PCDHGA1: variants seen among roughly 807,000 people sequenced by gnomAD.
PCDHGA1 encodes protocadherin gamma-A1.
PCDHGA1 carries 32 observed loss-of-function variants against 58.0 expected under a neutral mutation model. The ratio of observed to expected loss-of-function variants is 0.55; its 90% CI spans 0.42 to 0.74. PCDHGA1 has a LOEUF of 0.74. Ranked by LOEUF, PCDHGA1 falls within the 30% of genes least tolerant of loss-of-function variation. The pLI is 0.00. For synonymous variants in PCDHGA1, 498 were observed against 501.1 expected, an observed-to-expected ratio of 0.99 and a Z score of 0.08; for missense variants, 1,205 against 1,182.3, an observed-to-expected ratio of 1.02 and a Z score of -0.28.
intron 1 of PCDHGA1, among the ~76,000 whole-genome samples, chr5:141,492,437 C>T (rs182333697): frequency 8.5e-5 from 13 of 152,332 alleles, no homozygotes; most frequent in Admixed American, 8.5e-4. Flanking sequence ...CAGGAGTACT[C>T]GTAGCTGATT....
At position 141,485,069 on chromosome 5, in the gene PCDHGA1, G is replaced by A. The variant is rs1185236732; in HGVS notation, c.2422-9738G>A. 1.1e-6 allele frequency: 1 copy of A among 905,912 alleles called. No homozygotes were observed. Among genetic ancestry groups the A allele is most frequent in the Non-Finnish European group, 1.7e-6 (1 of 577,940 alleles). The allele number at this position is 905,912 out of a possible 1,614,324, so 56.1% of individuals were successfully genotyped here. A position where few individuals can be genotyped will look rare whatever the true frequency, so the allele number is the denominator to read the frequency against. On this transcript the variant is annotated intron_variant, in intron 1 of 3. Coordinates refer to ENST00000517417, the MANE Select transcript of PCDHGA1 (RefSeq NM_018912.3). This position sits in a 1 kb window ranked among gnomAD's most constrained non-coding sequence, Gnocchi z 5.7. ...GCGCCGGCCGAACCGCGCCAGAGCTGGCGCGGGGAAAGGGAGATAGGTGTC... is the reference window on the plus strand; with the variant it reads ...GCGCCGGCCGAACCGCGCCAGAGCTAGCGCGGGGAAAGGGAGATAGGTGTC...
intron 1 of PCDHGA1, among the ~76,000 whole-genome samples, chr5:141,354,186 A>G (rs1759489766): frequency 1.3e-5 from 2 of 152,232 alleles, no homozygotes; most frequent in African/African-American, 4.8e-5. Flanking sequence ...TCTGCACTTT[A>G]TAGTTATTCA....
chr5:141,370,950 C>T (rs78666647), intron 1 of PCDHGA1: 61,748 of 1,613,994 alleles, frequency 0.038, 1,384 homozygotes, highest in Middle Eastern at 0.054. Flanking sequence ...GAAGGAGAAC[C>T]TGGATGGCAG....
intron 3 of PCDHGA1, among the ~76,000 whole-genome samples, 153 bp from the exon 4 acceptor site, chr5:141,510,790 GAAGA>G (rs982513431): frequency 6.6e-5 from 10 of 152,264 alleles, no homozygotes; most frequent in African/African-American, 2.4e-4. Context: ...CAACTCTTGT[GAAGA>G]GAGACTACCT....
chr5:141,361,652 C>T (rs1226356152), intron 1 of PCDHGA1: 16 of 1,613,788 alleles, frequency 9.9e-6, no homozygotes, highest in East Asian at 2.2e-5. Context: ...TCCTACGTGT[C>T]CGTGAGCGCG....
At chr5:141,389,539 AC>A (rs750868475) in intron 1 of PCDHGA1, 1 of 1,613,100 alleles carries the variant, frequency 6.2e-7, no homozygotes, top group African/African-American at 1.3e-5. Context: ...TTAGTGGACG[AC>A]CGCAACGACA....
At chr5:141,437,016 T>G (rs1025489534) in intron 1 of PCDHGA1, among the ~76,000 whole-genome samples, 1 of 152,254 alleles carries the variant, frequency 6.6e-6, no homozygotes, top group Non-Finnish European at 1.5e-5. Flanking sequence ...TTAGATAATT[T>G]CACCAGAAAA....
chr5:141,395,107 A>G (rs2093174446), intron 1 of PCDHGA1: 1 of 1,614,212 alleles, frequency 6.2e-7, no homozygotes, highest in African/African-American at 1.3e-5. Context: ...GACTCGCGGA[A>G]GAGTCACCTG....
At chr5:141,482,675 A>G (rs1258898440) in intron 1 of PCDHGA1, among the ~76,000 whole-genome samples, 1 of 149,114 alleles carries the variant, frequency 6.7e-6, no homozygotes, top group African/African-American at 2.5e-5. Context: ...AAGGTTGAGT[A>G]GTAGCTTGTC....
chr5:141,340,898 G>C (rs146306949), intron 1 of PCDHGA1: 5 of 1,613,702 alleles, frequency 3.1e-6, no homozygotes, highest in South Asian at 1.1e-5. Flanking sequence ...GCAGAGCCTC[G>C]TGGTGGCCAT....
At chr5:141,398,486 A>G (rs892086829) in intron 1 of PCDHGA1, 17 of 1,608,942 alleles carry the variant, frequency 1.1e-5, no homozygotes, top group Non-Finnish European at 1.4e-5. Flanking sequence ...TATCACGTGA[A>G]TGTGGAGATC....
chr5:141,383,093 G>C, intron 1 of PCDHGA1: 1 of 1,613,930 alleles, frequency 6.2e-7, no homozygotes. Context: ...CGCGGAGTCC[G>C]CATCATCTCC....
At chr5:141,433,298 A>G in intron 1 of PCDHGA1, 7 of 1,015,894 alleles carry the variant, frequency 6.9e-6, no homozygotes, top group Non-Finnish European at 1.0e-5. Context: ...GGCTCAAGCA[A>G]TTATCCCACC....
chr5:141,341,598 T>C (rs1757071765), intron 1 of PCDHGA1: 2 of 1,055,482 alleles, frequency 1.9e-6, no homozygotes, highest in East Asian at 5.2e-5. Context: ...CTTTGTGCAA[T>C]GAATGTAAAC....
chr5:141,345,525 G>A, intron 1 of PCDHGA1: 1 of 1,614,116 alleles, frequency 6.2e-7, no homozygotes, highest in Non-Finnish European at 8.5e-7. Flanking sequence ...CACTCTCCAG[G>A]GGGCGCCCCT....
chr5:141,422,355 T>A, intron 1 of PCDHGA1: 1 of 1,557,416 alleles, frequency 6.4e-7, no homozygotes, highest in Non-Finnish European at 8.6e-7. Flanking sequence ...AAGATCAAGA[T>A]TCTGGAGAAA....
chr5:141,398,566 C>T, intron 1 of PCDHGA1: 1 of 1,613,980 alleles, frequency 6.2e-7, no homozygotes, highest in Non-Finnish European at 8.5e-7. Flanking sequence ...TGAGTCTGCA[C>T]AGCCTGGCAC....
At chr5:141,439,412 T>G (rs2098111019) in intron 1 of PCDHGA1, among the ~76,000 whole-genome samples, 1 of 152,194 alleles carries the variant, frequency 6.6e-6, no homozygotes, top group Admixed American at 6.5e-5. Flanking sequence ...CTAACATCAC[T>G]GAGGTTATAA....
intron 1 of PCDHGA1, among the ~76,000 whole-genome samples, chr5:141,387,402 T>C (rs953681527): frequency 6.6e-5 from 10 of 152,186 alleles, no homozygotes; most frequent in African/African-American, 2.4e-4. Context: ...TGTTTGAAGA[T>C]TGGGGAAAGC....
Sources: allele counts gnomAD v4.1 joint callset (sites outside exome capture counted in the v4.1 genomes callset), GRCh38; gene constraint gnomAD v4.1.1; non-coding constraint Gnocchi (gnomAD v3.1); transcripts MANE v1.5; gene names NCBI Gene and HGNC (gene_info 2026-07-23, HGNC 2026-07-21).